The following RANBP2 variants were observed in gnomAD, a reference collection of about 807,000 sequenced individuals.
RANBP2 encodes E3 SUMO-protein ligase RanBP2.
In RANBP2, 57 loss-of-function variants were observed where a neutral mutation model predicts 303.6. The ratio of observed to expected loss-of-function variants is 0.19; its 90% CI spans 0.15 to 0.23. RANBP2 has a LOEUF of 0.23. Ranked by LOEUF, RANBP2 falls within the 10% of genes least tolerant of loss-of-function variation. The pLI is 1.00. For synonymous variants in RANBP2, 1,167 were observed against 1,301.5 expected, an observed-to-expected ratio of 0.90 and a Z score of 2.23; for missense variants, 3,138 against 3,780.8, an observed-to-expected ratio of 0.83 and a Z score of 4.46.
chr2:109,282,640 C>T, the RANBP2 span, among the ~76,000 whole-genome samples: 442 of 152,342 alleles, frequency 2.9e-3, 4 homozygotes, highest in South Asian at 0.011. Flanking sequence ...TGGTGGGAGA[C>T]GTCCGGGCAC....
chr2:108,760,808 A>G (rs777208949), intron 18 of RANBP2, among the ~76,000 whole-genome samples: 2 of 152,096 alleles, frequency 1.3e-5, no homozygotes, highest in African/African-American at 4.8e-5. Context: ...TGATTTTTTT[A>G]AAGCCCGCGA....
the RANBP2 span, among the ~76,000 whole-genome samples, chr2:108,869,776 C>T: frequency 4.8e-3 from 733 of 152,274 alleles, 7 homozygotes; most frequent in South Asian, 0.023. Flanking sequence ...CTCCCTACAC[C>T]GTTCCCAAGG....
At chr2:108,821,449 T>C in the RANBP2 span, among the ~76,000 whole-genome samples, 1 of 152,196 alleles carries the variant, frequency 6.6e-6, no homozygotes, top group Non-Finnish European at 1.5e-5. Context: ...GCATTATTGA[T>C]GTAAAATAGT....
the RANBP2 span, among the ~76,000 whole-genome samples, chr2:109,079,775 G>A: frequency 6.6e-6 from 1 of 152,204 alleles, no homozygotes; most frequent in African/African-American, 2.4e-5. Context: ...AGGCTCCCTG[G>A]GAAGGGGATT....
At chr2:109,262,836 CTTTTTTA>C in the RANBP2 span, among the ~76,000 whole-genome samples, 1 of 151,734 alleles carries the variant, frequency 6.6e-6, no homozygotes, top group African/African-American at 2.4e-5. Flanking sequence ...TTTCTTTTTT[CTTTTTTA>C]TTTTTTTGAG....
the RANBP2 span, among the ~76,000 whole-genome samples, chr2:109,294,732 C>G: frequency 3.9e-4 from 59 of 152,232 alleles, 4 homozygotes; most frequent in South Asian, 0.012. Flanking sequence ...ACAGGGGAAG[C>G]TAGGGCCACA....
chr2:109,190,969 AATAG>A, the RANBP2 span, among the ~76,000 whole-genome samples: 1 of 151,384 alleles, frequency 6.6e-6, no homozygotes, highest in African/African-American at 2.4e-5. Context: ...AATTCATTTT[AATAG>A]TTGCGTCAGG....
chr2:109,146,697 G>A, the RANBP2 span, among the ~76,000 whole-genome samples: 3 of 152,078 alleles, frequency 2.0e-5, no homozygotes, highest in East Asian at 5.8e-4. Context: ...CCTGAGGAAG[G>A]GCCTGGATTG....
the RANBP2 span, among the ~76,000 whole-genome samples, chr2:109,471,708 C>G: frequency 6.6e-6 from 1 of 152,244 alleles, no homozygotes; most frequent in Non-Finnish European, 1.5e-5. Flanking sequence ...CTTTTCCACT[C>G]ACCCCCTTGC....
the RANBP2 span, among the ~76,000 whole-genome samples, chr2:109,144,039 G>A: frequency 6.6e-6 from 1 of 152,154 alleles, no homozygotes. Context: ...GTGGTTACGA[G>A]GCGCCGGAAG....
the RANBP2 span, chr2:109,449,255 T>G: frequency 3.1e-6 from 5 of 1,612,618 alleles, no homozygotes; most frequent in Admixed American, 1.7e-5. Context: ...CCCGCCTGCC[T>G]GCCACCAGCC....
the RANBP2 span, among the ~76,000 whole-genome samples, chr2:109,307,124 T>TA: frequency 6.6e-6 from 1 of 152,174 alleles, no homozygotes; most frequent in African/African-American, 2.4e-5. Context: ...GGCTTGAAAT[T>TA]AAAAAAATAA....
At chr2:109,562,533 G>C in the RANBP2 span, among the ~76,000 whole-genome samples, 1 of 151,978 alleles carries the variant, frequency 6.6e-6, no homozygotes, top group Non-Finnish European at 1.5e-5. Flanking sequence ...GAATGACTAA[G>C]AATTCTGACT....
chr2:109,612,471 C>G, the RANBP2 span, among the ~76,000 whole-genome samples: 1 of 152,158 alleles, frequency 6.6e-6, no homozygotes, highest in Non-Finnish European at 1.5e-5. Context: ...ATAAAGGGTA[C>G]AGGGTTCTCA....
At chr2:109,019,065 T>C in the RANBP2 span, among the ~76,000 whole-genome samples, 252 of 152,342 alleles carry the variant, frequency 1.7e-3, no homozygotes, top group Non-Finnish European at 2.8e-3. Flanking sequence ...TCACTAGTTA[T>C]GGCAGGAGAG....
chr2:109,359,757 C>G, the RANBP2 span, among the ~76,000 whole-genome samples: 9 of 152,144 alleles, frequency 5.9e-5, no homozygotes, highest in Non-Finnish European at 1.3e-4. Flanking sequence ...ACACAACACA[C>G]AGTTTCTTCA....
At chr2:109,468,855 GAAAAAAAAAA>G in the RANBP2 span, among the ~76,000 whole-genome samples, 6 of 64,866 alleles carry the variant, frequency 9.2e-5, no homozygotes, top group African/African-American at 2.7e-4. Flanking sequence ...CTCTGTCTCA[GAAAAAAAAAA>G]AAAAAAAAAA....
chr2:108,748,369 G>A (rs1474058972), intron 8 of RANBP2, among the ~76,000 whole-genome samples: 1 of 138,394 alleles, frequency 7.2e-6, no homozygotes, highest in African/African-American at 3.0e-5. Context: ...CACCAGGGCC[G>A]GCTAATTTTT....
At chr2:109,573,757 T>C in the RANBP2 span, among the ~76,000 whole-genome samples, 2 of 152,236 alleles carry the variant, frequency 1.3e-5, no homozygotes, top group Non-Finnish European at 2.9e-5. Context: ...CTTTAGCCAT[T>C]TTTTAAACAA....
Sources: allele counts gnomAD v4.1 joint callset (sites outside exome capture counted in the v4.1 genomes callset), GRCh38; gene constraint gnomAD v4.1.1; transcripts MANE v1.5; gene names NCBI Gene and HGNC (gene_info 2026-07-23, HGNC 2026-07-21).